MXRA5: variants seen among roughly 807,000 people sequenced by gnomAD.
The protein encoded by MXRA5 is matrix remodeling associated 5.
Under a neutral mutation model 112.5 loss-of-function variants are expected in MXRA5, and 41 were observed. The ratio of observed to expected loss-of-function variants is 0.36; its 90% CI spans 0.28 to 0.47. The LOEUF (loss-of-function observed/expected upper bound fraction) is 0.47, where lower values mean the gene tolerates loss of function less well. Ranked by LOEUF, MXRA5 falls within the 20% of genes least tolerant of loss-of-function variation. MXRA5 has a pLI of 0.99. For missense variants in MXRA5, 2,150 were observed against 2,251.0 expected (o/e 0.96, Z 0.91); for synonymous variants, 862 against 900.8 (o/e 0.96, Z 0.77).
At chrX:3,337,920 G>A (rs1387059456) in intron 2 of MXRA5, among the ~76,000 whole-genome samples, 1 of 111,821 alleles carries the variant, frequency 8.9e-6, no homozygotes, top group East Asian at 2.8e-4. Flanking sequence ...TTGCTGGACA[G>A]CAAAGGCTGG....
chrX:3,321,993 C>T lies in MXRA5; in HGVS notation c.3692G>A (p.Arg1231Gln), dbSNP rs765052001. ...GTTTGGCCTCTTCCCGTGTTTTCTC[C>T]GTGGTGTTCCCTTGGATGTGGGTTC... ...NAEPTSKGTPRRKHGKRPNKH... is the reference protein window; with the variant it reads ...NAEPTSKGTPQRKHGKRPNKH... Residue 1231 changes from arginine to glutamine, a missense_variant, in exon 5 of 7, where the codon CGG (arginine) becomes CAG (glutamine). Coordinates refer to ENST00000217939, the MANE Select transcript of MXRA5 (RefSeq NM_015419.4). 1.1e-5 allele frequency: 13 copies of T among 1,211,430 alleles called. No individual in the cohort carries two copies. In the East Asian group the frequency reaches 1.2e-4, roughly 11 times the overall value.
chrX:3,340,246 T>C (rs1349350669), intron 2 of MXRA5, among the ~76,000 whole-genome samples: 1 of 112,158 alleles, frequency 8.9e-6, no homozygotes, highest in Non-Finnish European at 1.9e-5. Flanking sequence ...TGGCCAACAA[T>C]TCCTCATTCC....
intron 1 of MXRA5, among the ~76,000 whole-genome samples, chrX:3,344,489 A>C (rs746343226): frequency 3.6e-5 from 4 of 111,478 alleles, no homozygotes; most frequent in Non-Finnish European, 7.5e-5. Flanking sequence ...GTTGCTGTTA[A>C]TCGGGGAGGA....
At chrX:3,328,952 A>G (rs1428352523) in intron 4 of MXRA5, among the ~76,000 whole-genome samples, 6 of 98,182 alleles carry the variant, frequency 6.1e-5, no homozygotes, top group African/African-American at 2.2e-4. Context: ...GAGGGAGGGA[A>G]GGAAGGAAGG....
At chrX:3,339,956 G>T (rs752697866) in intron 2 of MXRA5, among the ~76,000 whole-genome samples, 1 of 111,749 alleles carries the variant, frequency 8.9e-6, no homozygotes, top group African/African-American at 3.3e-5. Context: ...CTTCGGTTCC[G>T]GTTAATATCA....
Position 3,322,868 on chromosome X carries a change from C to T in MXRA5, c.2817G>A (p.Thr939=), listed in dbSNP as rs1472918501. The change falls in exon 5 of 7, where the codon ACG becomes ACA. Residue 939 remains threonine, a synonymous_variant. Transcript: ENST00000217939. ...TVYEKPTHEE[T]ATEGWSAADV... ...CTGCTGCAGACCAACCCTCTGTTGC[C>T]GTCTCTTCATGGGTGGGCTTTTCAT... 9.1e-6 allele frequency: 11 copies of T among 1,211,297 alleles called. No individual in the cohort carries two copies. The highest frequency in any genetic ancestry group is 3.0e-5 in the East Asian group (1 of 33,816).
intron 6 of MXRA5, among the ~76,000 whole-genome samples, chrX:3,315,407 AG>A (rs1921088150): frequency 1.0e-5 from 1 of 98,206 alleles, no homozygotes; most frequent in Non-Finnish European, 2.1e-5. Context: ...ATAGATAGAT[AG>A]ATAGATAGAT....
chrX:3,343,212 T>C (rs1347714695), intron 2 of MXRA5, among the ~76,000 whole-genome samples: 1 of 112,896 alleles, frequency 8.9e-6, no homozygotes, highest in Non-Finnish European at 1.9e-5. Flanking sequence ...GTCGCAATTC[T>C]ATCATCTACA....
intron 5 of MXRA5, 27 bp downstream of exon 5, chrX:3,319,981 A>G (rs1483081607): frequency 1.8e-6 from 2 of 1,110,371 alleles, no homozygotes; most frequent in Middle Eastern, 2.5e-4. Context: ...ACCAAAAAAA[A>G]AAAAAGTAGA....
rs139106444 is a variant in MXRA5, at chrX:3,322,197, C to T, written c.3488G>A (p.Arg1163His). ...GGGTGGGGTTTGCTTGTGCCGGTGGCGGAATTTGTTGGGGCGTAATCTCCT... is the reference window on the plus strand; with the variant it reads ...GGGTGGGGTTTGCTTGTGCCGGTGGTGGAATTTGTTGGGGCGTAATCTCCT... The part of the protein sequence containing the change: ...GRRRLRPNKF[R>H]HRHKQTPPTT... The change falls in exon 5 of 7, where the codon CGC (arginine) becomes CAC (histidine). Residue 1163 changes from arginine (R) to histidine (H), a missense_variant. By Grantham distance (29) the Arg-to-His change is conservative (BLOSUM62 0). Transcript: ENST00000217939. 8,338 of 1,187,406 alleles carry T rather than the reference C, an allele frequency of 7.0e-3. 38 individuals are homozygous for T. The highest frequency in any genetic ancestry group is 8.4e-3 in the Non-Finnish European group (7,431 of 883,577).
Position 3,338,945 on chromosome X carries a change from AATAGATAGATAGTTAG to A in MXRA5, c.188+4685_188+4700del, listed in dbSNP as rs748324779. ...GACAAGTAATAGGCAGACTATAGAT[AATAGATAGATAGTTAG>A]ATAGATAGATAGATAGATAGATAGA... On this transcript the variant is annotated intron_variant, in intron 2 of 6. Coordinates refer to ENST00000217939, the MANE Select transcript of MXRA5 (RefSeq NM_015419.4). Among the ~76,000 whole-genome samples, 714 of 92,137 alleles carry A rather than the reference AATAGATAGATAGTTAG, an allele frequency of 7.7e-3. 6 individuals carry two copies. The highest frequency in any genetic ancestry group is 0.027 in the African/African-American group (616 of 22,994). The allele number at this position is 92,137 out of a possible 115,157, so 80.0% of individuals were successfully genotyped here.
intron 2 of MXRA5, among the ~76,000 whole-genome samples, chrX:3,334,514 A>G: frequency 9.0e-6 from 1 of 111,465 alleles, no homozygotes; most frequent in Non-Finnish European, 1.9e-5. Flanking sequence ...GGCTGATACC[A>G]GGGAGATCAA....
rs752621073 is a variant in MXRA5, at chrX:3,324,261, C to A, written c.1424G>T (p.Ser475Ile). Reference sequence around the variant, plus strand: ...TCCACTAGGCTCAATCATTACCCAGCTTCTGCCCCGAGCCTGCCTTGTATC... The same window carrying A: ...TCCACTAGGCTCAATCATTACCCAGATTCTGCCCCGAGCCTGCCTTGTATC... ...TKDTRQARGR[S>I]WVMIEPSGAV... The change falls in exon 5 of 7, where the codon AGC becomes ATC. Residue 475 changes from serine to isoleucine, a missense_variant. Around this residue, in one of 6 missense-constraint regions of MXRA5, gnomAD observed 386 missense variants for 411.0 expected, o/e 0.94. Transcript: ENST00000217939. 1 of 1,211,809 alleles carries A rather than the reference C, an allele frequency of 8.3e-7. No individual in the cohort carries two copies. The highest frequency in any genetic ancestry group is 1.1e-6 in the Non-Finnish European group (1 of 895,527).
At chrX:3,341,527 ATAT>A (rs1193098867) in intron 2 of MXRA5, among the ~76,000 whole-genome samples, 17 of 29,257 alleles carry the variant, frequency 5.8e-4, no homozygotes, top group Non-Finnish European at 6.8e-4. Context: ...TATATAATAT[ATAT>A]TATTATTATA....
chrX:3,328,369 A>G (rs1033220488), intron 4 of MXRA5, among the ~76,000 whole-genome samples: 3 of 112,367 alleles, frequency 2.7e-5, no homozygotes, highest in Non-Finnish European at 5.6e-5. Flanking sequence ...TAAACGAATA[A>G]GAAGAGCAAT....
Position 3,320,650 on chromosome X carries a change from A to G in MXRA5, c.5035T>C (p.Ser1679Pro). 9.1e-6 allele frequency: 11 copies of G among 1,211,777 alleles called. No homozygotes were observed. The highest frequency in any genetic ancestry group is 1.2e-5 in the Non-Finnish European group (11 of 895,395). ...STTIPLPLHM[S>P]KPSIPSKFTD... is the part of the protein sequence containing the mutation. ...AACTTACTAGGAATGCTGGGTTTGG[A>G]CATGTGCAATGGGAGAGGAATTGTT... The change falls in exon 5 of 7, where the codon TCC becomes CCC. Residue 1679 changes from serine (S) to proline (P), a missense_variant. Physicochemically the swap from Ser to Pro is moderately conservative, Grantham distance 74 (BLOSUM62 -1). Transcript: ENST00000217939.
chrX:3,317,187 T>C lies in MXRA5; in HGVS notation c.6494A>G (p.Lys2165Arg). The C allele has an allele frequency of 8.3e-7, 1 of 1,210,092 alleles. No homozygotes were observed. The highest frequency in any genetic ancestry group is 1.1e-6 in the Non-Finnish European group (1 of 894,906). ...RTDVRYGGTL[K>R]LDCSASGDPW... is the part of the protein sequence containing the mutation. Reference sequence around the variant, plus strand: ...GTCCCCCGAGGCGCTGCAGTCCAGCTTGAGGGTTCCTCCGTACCTGACGTC... The same window carrying C: ...GTCCCCCGAGGCGCTGCAGTCCAGCCTGAGGGTTCCTCCGTACCTGACGTC... Residue 2165 changes from lysine to arginine, a missense_variant, in exon 6 of 7, where the codon AAG becomes AGG. Lys to Arg is a conservative substitution (Grantham distance 26). Transcript: ENST00000217939.
rs1921290599 is a variant in MXRA5 at position 3,321,144 on chromosome X, G to C, written c.4541C>G (p.Pro1514Arg). ...GQTTTTKPAL[P>R]SPRISQASRD... ...AGATGCTTGAGATATTCTTGGACTG[G>C]GAAGTGCTGGCTTAGTGGTGGTGGT... The change falls in exon 5 of 7, where the codon CCC (proline) becomes CGC (arginine). Residue 1514 changes from proline to arginine, a missense_variant. Around this residue, in one of 6 missense-constraint regions of MXRA5, gnomAD observed 1,485 missense variants for 1,471.6 expected, o/e 1.01. Coordinates refer to ENST00000217939, the MANE Select transcript of MXRA5 (RefSeq NM_015419.4). The C allele has an allele frequency of 8.3e-7, 1 of 1,210,206 alleles. No homozygotes were observed. Among genetic ancestry groups the C allele is most frequent in the Non-Finnish European group, 1.1e-6 (1 of 895,270 alleles).
chrX:3,314,911 G>T (rs1921055011), intron 6 of MXRA5, among the ~76,000 whole-genome samples: 1 of 111,000 alleles, frequency 9.0e-6, no homozygotes, highest in Non-Finnish European at 1.9e-5. Context: ...TAGATAGATA[G>T]ATAGATAGAT....
Sources: allele counts gnomAD v4.1 joint callset (sites outside exome capture counted in the v4.1 genomes callset), GRCh38; gene constraint gnomAD v4.1.1; regional missense constraint gnomAD v4.1.1; transcripts MANE v1.5; gene names NCBI Gene and HGNC (gene_info 2026-07-23, HGNC 2026-07-21).